FANK1: variants seen among roughly 807,000 people sequenced by gnomAD.
FANK1 encodes the protein fibronectin type III and ankyrin repeat domains 1.
In FANK1, 44 loss-of-function variants were observed where a neutral mutation model predicts 45.3. The observed-to-expected ratio is 0.97, with a 90% CI of 0.76 to 1.25. FANK1 has a LOEUF of 1.25. FANK1 is among the 50% of genes most tolerant of loss of function. The pLI, the probability that FANK1 is intolerant of heterozygous loss-of-function variation, is 0.00. For missense variants in FANK1, 391 were observed against 424.4 expected (o/e 0.92, Z 0.69); for synonymous variants, 149 against 152.5 (o/e 0.98, Z 0.17).
In FANK1 at chr10:125,970,188, C is replaced by G. The variant is rs551546286; in HGVS notation, c.14-9973C>G. Among the ~76,000 whole-genome samples, 378 of 152,232 alleles carry G rather than the reference C, an allele frequency of 2.5e-3. 4 individuals carry two copies. The highest frequency in any genetic ancestry group is 8.1e-3 in the African/African-American group (337 of 41,560). On this transcript the variant is annotated intron_variant, in intron 1 of 10. Coordinates refer to ENST00000368693, the MANE Select transcript of FANK1 (RefSeq NM_145235.5). ...GCCGGGCAGAGGGGCTTCTCACTTC[C>G]CAGACGTGGTGGCTGGGCAGAGGGG...
At chr10:125,974,926 T>C (rs1475706335) in intron 1 of FANK1, 1 of 152,154 alleles carries the variant, frequency 6.6e-6, no homozygotes, top group Non-Finnish European at 1.5e-5. Flanking sequence ...TCACAGGAGT[T>C]TGTTGTACAT....
intron 1 of FANK1, among the ~76,000 whole-genome samples, chr10:125,936,683 C>T (rs2134148395): frequency 6.6e-6 from 1 of 152,304 alleles, no homozygotes; most frequent in Admixed American, 6.5e-5. Flanking sequence ...GAAGATCCTT[C>T]TTTCTCATTG....
chr10:125,988,087 A>G (rs1006027299), intron 2 of FANK1, among the ~76,000 whole-genome samples: 1 of 152,168 alleles, frequency 6.6e-6, no homozygotes, highest in Admixed American at 6.5e-5. Flanking sequence ...ACTACGAGCA[A>G]TCTTGCATGT....
At chr10:125,990,840 A>G (rs563985413) in intron 3 of FANK1, among the ~76,000 whole-genome samples, 1 of 152,338 alleles carries the variant, frequency 6.6e-6, no homozygotes, top group South Asian at 2.1e-4. Flanking sequence ...CCTCACAACC[A>G]TGGTGGAAGG....
intron 1 of FANK1, among the ~76,000 whole-genome samples, chr10:125,945,910 C>T (rs545840265): frequency 0.017 from 2,655 of 152,194 alleles, 76 homozygotes; most frequent in African/African-American, 0.06. Flanking sequence ...ATCTGAGAAC[C>T]GGCAGACTGC....
chr10:125,908,211 G>GTCTCGAACT (rs1945701374), intron 1 of FANK1, among the ~76,000 whole-genome samples: 1 of 152,076 alleles, frequency 6.6e-6, no homozygotes, highest in African/African-American at 2.4e-5. Context: ...GGTCAGGCTG[G>GTCTCGAACT]TCTCGAACTC....
intron 1 of FANK1, among the ~76,000 whole-genome samples, chr10:125,951,370 C>G (rs1348247616): frequency 6.6e-6 from 1 of 152,006 alleles, no homozygotes; most frequent in Non-Finnish European, 1.5e-5. Context: ...TTATGTTCTG[C>G]TTGATTCTCT....
intron 1 of FANK1, among the ~76,000 whole-genome samples, chr10:125,954,422 A>C (rs1377086541): frequency 6.6e-6 from 1 of 152,174 alleles, no homozygotes; most frequent in Non-Finnish European, 1.5e-5. Flanking sequence ...ACAGTATCTG[A>C]CCCATCATCA....
Position 125,983,596 on chromosome 10 carries a change from T to C in FANK1, c.191+3258T>C, listed in dbSNP as rs1357303401. 1.3e-5 allele frequency among the ~76,000 whole-genome samples: 2 copies of C among 152,148 alleles called. No homozygotes were observed. The highest frequency in any genetic ancestry group is 2.4e-5 in the African/African-American group (1 of 41,444). ...GCAAGGATACCTGGAGCCTTGCAAC[T>C]ATCTGGGGGAAGAACCTTCCAGACA... On this transcript the variant is annotated intron_variant, in intron 2 of 10. Coordinates refer to ENST00000368693, the MANE Select transcript of FANK1 (RefSeq NM_145235.5). The surrounding 1 kb of genome is among the most constrained non-coding windows in gnomAD (Gnocchi z 4.3).
rs1554902605 is a variant in FANK1 at position 125,898,019 on chromosome 10, A to AAAAAG, written c.13+1368_13+1369insGAAAA. 2.9e-3 allele frequency among the ~76,000 whole-genome samples: 243 copies of AAAAAG among 83,482 alleles called. 30 individuals are homozygous for AAAAAG. Among genetic ancestry groups the AAAAAG allele is most frequent in the East Asian group, 6.0e-3 (17 of 2,856 alleles). The allele number at this position is 83,482 out of a possible 152,430, so 54.8% of individuals were successfully genotyped here. On this transcript the variant is annotated intron_variant, in intron 1 of 10. Transcript: ENST00000368693. ...AATACAAAAAAAAAAAAAAAAAAAA[A>AAAAAG]AAAAAAAAAAAAAAAGCCAGGTGTG...
At chr10:125,938,295 A>T (rs200533989) in intron 1 of FANK1, among the ~76,000 whole-genome samples, 939 of 11,178 alleles carry the variant, frequency 0.084, 3 homozygotes, top group Non-Finnish European at 0.16. Context: ...ATTTATGATT[A>T]AAAAAAAAAT....
chr10:125,959,412 T>TCAAAAAA (rs1949779795), intron 1 of FANK1, among the ~76,000 whole-genome samples: 1 of 10,288 alleles, frequency 9.7e-5, no homozygotes, highest in Non-Finnish European at 2.6e-4. Context: ...AGACTCTGTC[T>TCAAAAAA]CAAAAAAAAA....
At chr10:125,912,761 C>T (rs1946129693) in intron 1 of FANK1, among the ~76,000 whole-genome samples, 1 of 152,154 alleles carries the variant, frequency 6.6e-6, no homozygotes, top group African/African-American at 2.4e-5. Context: ...CCTCAGCCTC[C>T]CGAGTAGCTG....
At chr10:125,997,547 T>C in intron 6 of FANK1, 62 bp downstream of exon 6, 1 of 1,497,474 alleles carries the variant, frequency 6.7e-7, no homozygotes, top group Non-Finnish European at 9.2e-7. Flanking sequence ...GCTAGGCTTG[T>C]GCCCAGAGGG....
At chr10:126,005,369 G>A (rs900557514) in intron 7 of FANK1, among the ~76,000 whole-genome samples, 13 of 149,716 alleles carry the variant, frequency 8.7e-5, no homozygotes, top group Admixed American at 1.3e-4. Flanking sequence ...GTGCAGTGGC[G>A]CGATCTCGGT....
intron 1 of FANK1, among the ~76,000 whole-genome samples, chr10:125,945,833 G>A (rs577510471): frequency 6.6e-6 from 1 of 152,348 alleles, no homozygotes; most frequent in South Asian, 2.1e-4. Flanking sequence ...AGTAACCTCT[G>A]CAGGCTTAAG....
At chr10:125,965,826 C>T (rs113977738) in intron 1 of FANK1, among the ~76,000 whole-genome samples, 5 of 152,204 alleles carry the variant, frequency 3.3e-5, no homozygotes, top group African/African-American at 9.6e-5. Context: ...TACCTGTTAC[C>T]CATATAGAAC....
intron 2 of FANK1, among the ~76,000 whole-genome samples, chr10:125,981,550 T>C (rs1321262027): frequency 1.3e-5 from 2 of 151,980 alleles, no homozygotes; most frequent in Non-Finnish European, 2.9e-5. Context: ...ATATCATCTC[T>C]GACTTATTTC....
chr10:126,009,308 C>G, intron 10 of FANK1, 42 bp downstream of exon 10: 1 of 1,613,984 alleles, frequency 6.2e-7, no homozygotes, highest in Non-Finnish European at 8.5e-7. Flanking sequence ...ATTTTTAGTC[C>G]TTCTAGACTC....
Sources: gnomAD v4.1 joint callset for allele counts (sites outside exome capture counted in the v4.1 genomes callset) on GRCh38, gnomAD v4.1.1 for gene constraint, Gnocchi (gnomAD v3.1) non-coding constraint, MANE v1.5 for transcripts, NCBI Gene and HGNC (gene_info 2026-07-23, HGNC 2026-07-21) for gene names.